Variants in CREB5 observed in about 807,000 individuals in gnomAD.
The protein encoded by CREB5 is cAMP responsive element binding protein 5, also known as cyclic AMP-responsive element-binding protein 5.
Under a neutral mutation model 57.1 loss-of-function variants are expected in CREB5, and 19 were observed. The observed-to-expected ratio is 0.33, with a 90% CI of 0.23 to 0.49. The LOEUF is 0.49. Ranked by LOEUF, CREB5 falls within the 20% of genes least tolerant of loss-of-function variation. The pLI is 0.99. For missense variants in CREB5, 579 were observed against 671.6 expected, an observed-to-expected ratio of 0.86 and a Z score of 1.52; for synonymous variants, 238 against 238.3, an observed-to-expected ratio of 1.00 and a Z score of 0.01.
intron 1 of CREB5, among the ~76,000 whole-genome samples, chr7:28,364,832 C>T (rs1786555998): frequency 6.6e-6 from 1 of 152,204 alleles, no homozygotes; most frequent in African/African-American, 2.4e-5. Flanking sequence ...TGTCTTCCTT[C>T]ATCTTTCAGA....
chr7:28,664,972 C>T (rs754264563), intron 5 of CREB5, among the ~76,000 whole-genome samples: 8 of 152,100 alleles, frequency 5.3e-5, no homozygotes, highest in South Asian at 2.1e-4. Context: ...AAATATTATC[C>T]GGCTCTTTCT....
chr7:28,470,841 C>A (rs1199871875), intron 1 of CREB5, among the ~76,000 whole-genome samples: 4 of 152,094 alleles, frequency 2.6e-5, no homozygotes, highest in Non-Finnish European at 1.5e-5. Flanking sequence ...ACGTTGCACA[C>A]CCTTTCATAT....
At chr7:28,482,352 C>G (rs1047245249) in intron 1 of CREB5, among the ~76,000 whole-genome samples, 1 of 152,112 alleles carries the variant, frequency 6.6e-6, no homozygotes, top group East Asian at 1.9e-4. Context: ...TGTGTGTGTC[C>G]CCTTGCCCTT....
At chr7:28,485,133 T>C (rs1791498736) in intron 1 of CREB5, among the ~76,000 whole-genome samples, 1 of 152,196 alleles carries the variant, frequency 6.6e-6, no homozygotes, top group Admixed American at 6.5e-5. Context: ...GAAAAATACT[T>C]TTTCCTCATA....
chr7:28,381,766 G>A (rs557007053), intron 1 of CREB5, among the ~76,000 whole-genome samples: 4 of 152,272 alleles, frequency 2.6e-5, no homozygotes, highest in South Asian at 2.1e-4. Flanking sequence ...GAACCATAGC[G>A]AGGTGGATAA....
chr7:28,757,540 G>C (rs1805393915), intron 7 of CREB5, among the ~76,000 whole-genome samples: 1 of 152,082 alleles, frequency 6.6e-6, no homozygotes, highest in South Asian at 2.1e-4. Flanking sequence ...AGGCGTGGTG[G>C]CGGGCGCCTG....
intron 5 of CREB5, among the ~76,000 whole-genome samples, chr7:28,601,098 C>A (rs1247285052): frequency 6.6e-6 from 1 of 152,072 alleles, no homozygotes; most frequent in South Asian, 2.1e-4. Context: ...TTATCTCTCT[C>A]CAAATCATCA....
At chr7:28,306,884 A>G (rs1785203187) in intron 1 of CREB5, among the ~76,000 whole-genome samples, 1 of 152,178 alleles carries the variant, frequency 6.6e-6, no homozygotes, top group South Asian at 2.1e-4. Flanking sequence ...TATAGATATA[A>G]AAAGGTATTC....
At chr7:28,748,017 C>A (rs184516539) in intron 7 of CREB5, among the ~76,000 whole-genome samples, 20 of 152,190 alleles carry the variant, frequency 1.3e-4, no homozygotes, top group Non-Finnish European at 1.8e-4. Flanking sequence ...GGTCAATGAA[C>A]GTATTCCAGC....
At chr7:28,425,265 T>TA (rs571489295) in intron 1 of CREB5, among the ~76,000 whole-genome samples, 61 of 147,694 alleles carry the variant, frequency 4.1e-4, no homozygotes, top group African/African-American at 7.0e-4. Context: ...TACTTGGTTG[T>TA]AAAAAAAAAA....
intron 1 of CREB5, among the ~76,000 whole-genome samples, chr7:28,421,758 A>G (rs111237187): frequency 3.0e-5 from 1 of 33,560 alleles, no homozygotes; most frequent in Non-Finnish European, 5.7e-5. Context: ...ATATATATAC[A>G]TACACACACA....
intron 5 of CREB5, among the ~76,000 whole-genome samples, chr7:28,626,496 C>T (rs910789836): frequency 1.3e-5 from 2 of 152,126 alleles, no homozygotes; most frequent in Non-Finnish European, 2.9e-5. Context: ...GGTTAAGTAA[C>T]CTGCCCGTAG....
chr7:28,527,794 C>T (rs1317533400), intron 4 of CREB5, among the ~76,000 whole-genome samples: 7 of 152,068 alleles, frequency 4.6e-5, no homozygotes, highest in Admixed American at 1.3e-4. Context: ...CTCCAGCCTG[C>T]GTGACAGAGA....
At chr7:28,302,881 C>G (rs2127979051) in intron 1 of CREB5, among the ~76,000 whole-genome samples, 1 of 152,278 alleles carries the variant, frequency 6.6e-6, no homozygotes, top group East Asian at 1.9e-4. Context: ...GATTAAATTA[C>G]TATAAAAATC....
At chr7:28,628,564 G>A (rs1340085023) in intron 5 of CREB5, among the ~76,000 whole-genome samples, 3 of 152,158 alleles carry the variant, frequency 2.0e-5, no homozygotes, top group Admixed American at 1.3e-4. Flanking sequence ...ATGGTAGCCA[G>A]TGGCAGAAGA....
intron 4 of CREB5, among the ~76,000 whole-genome samples, chr7:28,535,000 A>G (rs1217546030): frequency 7.1e-6 from 1 of 141,224 alleles, no homozygotes; most frequent in Non-Finnish European, 1.6e-5. Flanking sequence ...ATCCTTGGCC[A>G]TGTGTTTCTT....
intron 4 of CREB5, among the ~76,000 whole-genome samples, chr7:28,530,605 A>G (rs1036786074): frequency 1.3e-5 from 2 of 152,224 alleles, no homozygotes; most frequent in African/African-American, 2.4e-5. Flanking sequence ...TGCGATTATC[A>G]TATAAAAGGC....
intron 5 of CREB5, among the ~76,000 whole-genome samples, chr7:28,628,539 G>A (rs1405392243): frequency 6.6e-6 from 1 of 152,136 alleles, no homozygotes; most frequent in Non-Finnish European, 1.5e-5. Flanking sequence ...CAGTGGGTAA[G>A]AGAAGGAAGA....
chr7:28,520,405 T>C (rs1444621137), intron 4 of CREB5, among the ~76,000 whole-genome samples: 2 of 152,128 alleles, frequency 1.3e-5, no homozygotes, highest in Admixed American at 6.5e-5. Context: ...ATTACTCATA[T>C]TTGCATTCTC....
Sources: gnomAD v4.1 joint callset for allele counts (sites outside exome capture counted in the v4.1 genomes callset) on GRCh38, gnomAD v4.1.1 for gene constraint, MANE v1.5 for transcripts, NCBI Gene and HGNC (gene_info 2026-07-23, HGNC 2026-07-21) for gene names.